GPHN: variants seen among roughly 807,000 people sequenced by gnomAD.
The protein encoded by GPHN is gephyrin.
GPHN carries 17 observed loss-of-function variants against 95.5 expected under a neutral mutation model. The observed-to-expected ratio is 0.18, with a 90% confidence interval of 0.12 to 0.27. The LOEUF (loss-of-function observed/expected upper bound fraction) is 0.27. Ranked by LOEUF, GPHN falls within the 10% of genes least tolerant of loss-of-function variation. The pLI is 1.00. For synonymous variants in GPHN, 320 were observed against 322.5 expected (o/e 0.99, Z 0.08); for missense variants, 660 against 978.1 (o/e 0.67, Z 4.34).
chr14:66,545,234 G>A lies in GPHN; in HGVS notation c.64+36643G>A, dbSNP rs1432304115. On this transcript the variant is annotated intron_variant, in intron 1 of 22. Coordinates refer to ENST00000478722, the MANE Select transcript of GPHN (RefSeq NM_020806.5). Reference sequence around the variant, plus strand: ...TGACCCCCCCACCTCCCTCCCGGACGGGGCGGCTGGCCGGGCAGAGGGGCT... The same window carrying A: ...TGACCCCCCCACCTCCCTCCCGGACAGGGCGGCTGGCCGGGCAGAGGGGCT... 1.1e-3 allele frequency among the ~76,000 whole-genome samples: 156 copies of A among 139,196 alleles called. 2 individuals carry two copies. Among genetic ancestry groups the A allele is most frequent in the African/African-American group, 3.9e-3 (140 of 35,660 alleles). The allele number at this position is 139,196 out of a possible 152,430, so 91.3% of individuals were successfully genotyped here. A position where few individuals can be genotyped will look rare whatever the true frequency, so the allele number is the denominator to read the frequency against.
At chr14:67,244,952 G>A in the GPHN span, among the ~76,000 whole-genome samples, 1 of 152,140 alleles carries the variant, frequency 6.6e-6, no homozygotes, top group African/African-American at 2.4e-5. Flanking sequence ...AGAGGCAGAA[G>A]AGTAGAGTCA....
intron 8 of GPHN, among the ~76,000 whole-genome samples, chr14:66,961,943 T>TAC (rs2068965227): frequency 2.1e-4 from 17 of 79,382 alleles, no homozygotes; most frequent in Non-Finnish European, 3.0e-4. Flanking sequence ...TATATATATA[T>TAC]ATATACACAT....
intron 18 of GPHN, among the ~76,000 whole-genome samples, chr14:67,144,251 ATAT>A (rs869087497): frequency 0.016 from 651 of 41,206 alleles, 11 homozygotes; most frequent in Non-Finnish European, 0.021. Context: ...AAAAAAAAAA[ATAT>A]ATATATATAT....
chr14:67,527,438 C>CA, the GPHN span, among the ~76,000 whole-genome samples: 9 of 150,432 alleles, frequency 6.0e-5, no homozygotes, highest in East Asian at 1.9e-4. Context: ...AACTCCATCT[C>CA]AAAAAAAAAG....
intron 10 of GPHN, among the ~76,000 whole-genome samples, chr14:67,024,635 C>G (rs1388435422): frequency 1.3e-5 from 2 of 152,158 alleles, no homozygotes; most frequent in African/African-American, 4.8e-5. Context: ...CCAGGAGAAA[C>G]CAGGTGCAAG....
intron 1 of GPHN, among the ~76,000 whole-genome samples, chr14:66,679,368 T>A (rs2066807742): frequency 2.0e-5 from 3 of 152,248 alleles, no homozygotes; most frequent in African/African-American, 7.2e-5. Context: ...TGACTGTTGT[T>A]AAAGTGTTCT....
intron 8 of GPHN, among the ~76,000 whole-genome samples, chr14:66,947,246 C>G (rs544553030): frequency 1.3e-5 from 2 of 152,278 alleles, no homozygotes; most frequent in African/African-American, 4.8e-5. Flanking sequence ...CTTTACCTGG[C>G]TAACTCCTGT....
intron 2 of GPHN, among the ~76,000 whole-genome samples, chr14:66,762,169 C>T (rs565592141): frequency 5.2e-4 from 79 of 151,208 alleles, no homozygotes; most frequent in African/African-American, 1.7e-3. Flanking sequence ...TGGAATTTTA[C>T]TAGTGTTCAT....
the GPHN span, among the ~76,000 whole-genome samples, chr14:67,419,131 C>A: frequency 6.6e-6 from 1 of 152,196 alleles, no homozygotes; most frequent in African/African-American, 2.4e-5. Context: ...GAGCCCCTTC[C>A]CTCGCCTCCT....
intron 9 of GPHN, among the ~76,000 whole-genome samples, chr14:67,021,148 A>T (rs920686763): frequency 6.6e-6 from 1 of 152,140 alleles, no homozygotes; most frequent in African/African-American, 2.4e-5. Flanking sequence ...TATTTGCTAC[A>T]TGCATAAATA....
intron 11 of GPHN, among the ~76,000 whole-genome samples, chr14:67,086,649 CAAAA>C (rs59947004): frequency 3.5e-5 from 3 of 84,576 alleles, no homozygotes; most frequent in African/African-American, 9.9e-5. Flanking sequence ...GACTCTGTCT[CAAAA>C]AAAAAAAAAA....
At chr14:66,534,539 C>G (rs878942470) in intron 1 of GPHN, among the ~76,000 whole-genome samples, 1 of 152,104 alleles carries the variant, frequency 6.6e-6, no homozygotes, top group African/African-American at 2.4e-5. Flanking sequence ...TTTTGACTTA[C>G]AAAGAAAACC....
At chr14:67,717,754 A>C in the GPHN span, 2 of 152,286 alleles carry the variant, frequency 1.3e-5, no homozygotes, top group Non-Finnish European at 2.9e-5. Flanking sequence ...ACTCACAGGA[A>C]AGAATTATAA....
At chr14:67,368,897 C>T in the GPHN span, among the ~76,000 whole-genome samples, 1 of 151,566 alleles carries the variant, frequency 6.6e-6, no homozygotes, top group East Asian at 1.9e-4. Context: ...ATTGTAAAAG[C>T]CAAAGATATA....
At position 66,508,435 on chromosome 14, in the gene GPHN, T is replaced by C; in HGVS notation, c.-93T>C. Reference sequence around the variant, plus strand: ...TCGCGCTTCTCTGGCTCCCTAGCTGTCGCGCTCTCCTCGGCGAGCGCGCTC... The same window carrying C: ...TCGCGCTTCTCTGGCTCCCTAGCTGCCGCGCTCTCCTCGGCGAGCGCGCTC... On this transcript the variant is annotated 5_prime_UTR_variant, in exon 1 of 23. Transcript: ENST00000478722. 3 of 1,106,546 alleles carry C rather than the reference T, an allele frequency of 2.7e-6. No homozygotes were observed. Among genetic ancestry groups the C allele is most frequent in the Non-Finnish European group, 4.2e-6 (3 of 717,646 alleles). The allele number at this position is 1,106,546 out of a possible 1,614,324, so 68.5% of individuals were successfully genotyped here. A position where few individuals can be genotyped will look rare whatever the true frequency, so the allele number is the denominator to read the frequency against.
chr14:67,350,472 G>A, the GPHN span: 1 of 638,324 alleles, frequency 1.6e-6, no homozygotes, highest in East Asian at 3.1e-5. Context: ...AGGTGATGGG[G>A]TTAAAAGAAT....
chr14:66,948,994 G>A (rs1030885765), intron 8 of GPHN, among the ~76,000 whole-genome samples: 4 of 152,002 alleles, frequency 2.6e-5, no homozygotes, highest in African/African-American at 9.7e-5. Flanking sequence ...ACCTCTGAAG[G>A]ATCAGTATTA....
the GPHN span, among the ~76,000 whole-genome samples, chr14:67,401,744 C>G: frequency 6.6e-6 from 1 of 152,186 alleles, no homozygotes; most frequent in East Asian, 1.9e-4. Context: ...TTAGTTATAG[C>G]AGCCCTCATA....
chr14:67,129,911 T>C (rs1220269525), intron 17 of GPHN, among the ~76,000 whole-genome samples: 2 of 152,068 alleles, frequency 1.3e-5, no homozygotes, highest in Non-Finnish European at 2.9e-5. Flanking sequence ...TCTTTAATGT[T>C]ACCCTTGACA....
Sources: allele counts gnomAD v4.1 joint callset (sites outside exome capture counted in the v4.1 genomes callset), GRCh38; gene constraint gnomAD v4.1.1; transcripts MANE v1.5; gene names NCBI Gene and HGNC (gene_info 2026-07-23, HGNC 2026-07-21).